The following FOXP4 variants were observed in gnomAD, a reference collection of about 807,000 sequenced individuals.
FOXP4 encodes forkhead box P4.
Under a neutral mutation model 82.6 loss-of-function variants are expected in FOXP4, and 25 were observed. The observed-to-expected ratio is 0.30, with a 90% confidence interval of 0.22 to 0.42. FOXP4 has a LOEUF of 0.42. FOXP4 is among the 10% of genes least tolerant of loss of function. FOXP4 has a pLI of 1.00. For synonymous variants in FOXP4, 415 were observed against 388.2 expected (o/e 1.07, Z -0.81); for missense variants, 785 against 900.9 (o/e 0.87, Z 1.65).
intron 7 of FOXP4, 25 bp downstream of exon 7, chr6:41,587,537 G>C: frequency 6.6e-7 from 1 of 1,508,516 alleles, no homozygotes; most frequent in Non-Finnish European, 8.9e-7. Context: ...GCTGGGAGGG[G>C]CATCAAAGGC....
intron 1 of FOXP4, among the ~76,000 whole-genome samples, chr6:41,560,842 C>G (rs1764534465): frequency 6.6e-6 from 1 of 152,244 alleles, no homozygotes; most frequent in Non-Finnish European, 1.5e-5. Context: ...AATTAATACT[C>G]GCTACGCCAT....
At position 41,552,470 on chromosome 6, in the gene FOXP4, C is replaced by A. The variant is rs140096509; in HGVS notation, c.-17+5603C>A. Among the ~76,000 whole-genome samples, 104 of 152,240 alleles carry A rather than the reference C, an allele frequency of 6.8e-4. 1 individual carries two copies. The highest frequency in any genetic ancestry group is 2.3e-3 in the African/African-American group (96 of 41,536). On this transcript the variant is annotated intron_variant, in intron 1 of 16. Transcript: ENST00000307972. ...TGTAGAGTTGGTCCACTGAGAGAATCCCTCCTTCAGGAAGCCTCTGAGCTT... is the reference window on the plus strand; with the variant it reads ...TGTAGAGTTGGTCCACTGAGAGAATACCTCCTTCAGGAAGCCTCTGAGCTT...
chr6:41,551,441 T>C (rs550299565), intron 1 of FOXP4, among the ~76,000 whole-genome samples: 140 of 152,256 alleles, frequency 9.2e-4, no homozygotes, highest in African/African-American at 3.2e-3. Flanking sequence ...ATGGTAGCCA[T>C]ACAGCCGCCT....
chr6:41,598,010 C>G, intron 16 of FOXP4, 60 bp downstream of exon 16: 1 of 1,277,470 alleles, frequency 7.8e-7, no homozygotes, highest in Non-Finnish European at 1.0e-6. Context: ...AGGGAGGAGG[C>G]GTCATCCCCC....
At chr6:41,586,016 A>G (rs554399339) in intron 5 of FOXP4, among the ~76,000 whole-genome samples, 7 of 150,944 alleles carry the variant, frequency 4.6e-5, no homozygotes, top group Non-Finnish European at 8.9e-5. Context: ...CCCAGCCTAC[A>G]TCCCCTACCC....
chr6:41,575,065 T>C (rs1045640006), intron 2 of FOXP4, among the ~76,000 whole-genome samples: 3 of 151,796 alleles, frequency 2.0e-5, no homozygotes, highest in Non-Finnish European at 4.4e-5. Context: ...ACCTCCCGGG[T>C]TCACGCCATC....
chr6:41,590,697 T>C (rs932307807), intron 12 of FOXP4, among the ~76,000 whole-genome samples: 2 of 152,170 alleles, frequency 1.3e-5, no homozygotes, highest in Non-Finnish European at 2.9e-5. Flanking sequence ...ATGATCTTCA[T>C]GTCACCAATG....
At position 41,572,434 on chromosome 6, in the gene FOXP4, G is replaced by A. The variant is rs1765255542; in HGVS notation, c.205-5552G>A. On this transcript the variant is annotated intron_variant, in intron 2 of 16. Coordinates refer to ENST00000307972, the MANE Select transcript of FOXP4 (RefSeq NM_001012426.2). ...TTAAAGATGCTGAGTCCCCAGTACT[G>A]AGGACACTGTGAGTGCCCTGTGGGG... 2.0e-5 allele frequency among the ~76,000 whole-genome samples: 3 copies of A among 152,206 alleles called. No homozygotes were observed. The South Asian group carries it at 6.2e-4, about 32-fold the overall frequency.
rs375347586 is a variant in FOXP4 at position 41,597,250 on chromosome 6, G to T, written c.1725+8G>T. On this transcript the variant is annotated splice_region_variant and intron_variant, in intron 15 of 16. Coordinates refer to ENST00000307972, the MANE Select transcript of FOXP4 (RefSeq NM_001012426.2). Reference sequence around the variant, plus strand: ...CTTAATGCCAGCTACCAGGTGACCTGCCCAGAGCCCACCCACTCACCTCTA... The same window carrying T: ...CTTAATGCCAGCTACCAGGTGACCTTCCCAGAGCCCACCCACTCACCTCTA... 6 of 1,613,754 alleles carry T rather than the reference G, an allele frequency of 3.7e-6. No homozygotes were observed. The highest frequency in any genetic ancestry group is 5.1e-6 in the Non-Finnish European group (6 of 1,179,938).
At chr6:41,590,220 T>C (rs768433047) in intron 11 of FOXP4, 50 bp downstream of exon 11, 53 of 1,609,960 alleles carry the variant, frequency 3.3e-5, no homozygotes, top group Middle Eastern at 1.7e-4. Context: ...AGGCTGTTTT[T>C]CCCATCTGAG....
intron 5 of FOXP4, among the ~76,000 whole-genome samples, chr6:41,586,114 A>G (rs1425542137): frequency 1.3e-5 from 2 of 151,766 alleles, no homozygotes; most frequent in Non-Finnish European, 2.9e-5. Flanking sequence ...CCGCAGCCCC[A>G]AGCTCTAAGT....
chr6:41,590,317 C>T lies in FOXP4; in HGVS notation c.1404C>T (p.Pro468=), dbSNP rs530227910. ...TCTACAAGAACGCCGACGTCCGGCC[C>T]CCCTTCACCTACGCCTCCCTCATCC... is the stretch of plus-strand genomic sequence containing the variant. ...HEFYKNADVR[P]PFTYASLIRQ... is the part of the protein sequence containing the mutation. Residue 468 remains proline (P), a synonymous_variant, in exon 12 of 17, where the codon CCC becomes CCT. Coordinates refer to ENST00000307972, the MANE Select transcript of FOXP4 (RefSeq NM_001012426.2). The T allele has an allele frequency of 1.3e-5, 21 of 1,614,012 alleles. No homozygotes were observed. In the South Asian group the frequency reaches 1.4e-4, roughly 11 times the overall value.
chr6:41,589,663 G>A (rs1314258041), intron 9 of FOXP4, 108 bp from the exon 10 acceptor site: 2 of 1,123,322 alleles, frequency 1.8e-6, no homozygotes, highest in East Asian at 5.0e-5. Context: ...GAGGCGAATG[G>A]GGGTGGGAAT....
At chr6:41,550,058 A>G (rs981529518) in intron 1 of FOXP4, among the ~76,000 whole-genome samples, 8 of 152,176 alleles carry the variant, frequency 5.3e-5, no homozygotes, top group Non-Finnish European at 8.8e-5. Flanking sequence ...CAGGGCAGGT[A>G]CTATTTTTGA....
chr6:41,596,149 C>T (rs1263158952), intron 14 of FOXP4, among the ~76,000 whole-genome samples: 1 of 152,212 alleles, frequency 6.6e-6, no homozygotes, highest in Admixed American at 6.5e-5. Flanking sequence ...CTGCCCGCAT[C>T]GGCCTCCCAA....
chr6:41,590,046 C>T lies in FOXP4; in HGVS notation c.1233C>T (p.Pro411=), dbSNP rs1249062649. ...CATTCCCAGATGGTCTCGTGCACCC[C>T]CCGACCTCGGCCGCAGCCCCTGTCA... The part of the protein sequence containing the change: ...ADSFPDGLVH[P]PTSAAAPVTP... Residue 411 remains proline, a synonymous_variant, in exon 11 of 17, where the codon CCC becomes CCT. Transcript: ENST00000307972. The T allele has an allele frequency of 1.2e-6, 2 of 1,613,970 alleles. No individual in the cohort carries two copies. The highest frequency in any genetic ancestry group is 3.3e-5 in the Admixed American group (2 of 60,020).
chr6:41,570,078 T>TCACACACACACACACA (rs1562021990), intron 2 of FOXP4: 1 of 96,712 alleles, frequency 1.0e-5, no homozygotes, highest in Admixed American at 1.4e-4. Flanking sequence ...CACCACCCCC[T>TCACACACACACACACA]GACACACACA....
intron 1 of FOXP4, among the ~76,000 whole-genome samples, chr6:41,550,118 C>T (rs1011535582): frequency 6.6e-6 from 1 of 152,108 alleles, no homozygotes; most frequent in Non-Finnish European, 1.5e-5. Flanking sequence ...GATTTGGTTC[C>T]AGAACTCTGG....
intron 2 of FOXP4, among the ~76,000 whole-genome samples, chr6:41,576,375 G>T (rs1387357467): frequency 6.6e-6 from 1 of 152,202 alleles, no homozygotes; most frequent in Non-Finnish European, 1.5e-5. Flanking sequence ...CGCGAAGGTG[G>T]TTGTGTGTAT....
Sources: allele counts gnomAD v4.1 joint callset (sites outside exome capture counted in the v4.1 genomes callset), GRCh38; gene constraint gnomAD v4.1.1; transcripts MANE v1.5; gene names NCBI Gene and HGNC (gene_info 2026-07-23, HGNC 2026-07-21).